SLC25A48: variants seen among roughly 807,000 people sequenced by gnomAD.
SLC25A48 encodes the protein solute carrier family 25 member 48.
SLC25A48 carries 29 observed loss-of-function variants against 32.2 expected under a neutral mutation model. The ratio of observed to expected loss-of-function variants is 0.90; its 90% confidence interval spans 0.67 to 1.23. The LOEUF is 1.23. Ranked by LOEUF, SLC25A48 falls within the 50% of genes most tolerant of loss-of-function variation. The pLI is 0.00. For synonymous variants in SLC25A48, 164 were observed against 172.3 expected (o/e 0.95, Z 0.38); for missense variants, 399 against 422.7 (o/e 0.94, Z 0.49).
intron 2 of SLC25A48, among the ~76,000 whole-genome samples, chr5:135,849,068 A>G (rs902708425): frequency 1.3e-5 from 2 of 152,262 alleles, no homozygotes; most frequent in African/African-American, 2.4e-5. Context: ...AAAAATAATG[A>G]AAGTAACATC....
chr5:135,819,313 C>T (rs937021465), intron 4 of SLC25A48, among the ~76,000 whole-genome samples: 8 of 152,094 alleles, frequency 5.3e-5, no homozygotes, highest in Non-Finnish European at 1.5e-5. Context: ...TATCTGTTAC[C>T]ACTTACAAAG....
intron 4 of SLC25A48, among the ~76,000 whole-genome samples, chr5:135,815,523 G>A (rs1430612651): frequency 6.6e-6 from 1 of 152,206 alleles, no homozygotes; most frequent in Admixed American, 6.5e-5. Flanking sequence ...AGGTAAGGAA[G>A]AGCATCAACC....
At chr5:135,729,627 A>T (rs1191931306) in intron 3 of SLC25A48, among the ~76,000 whole-genome samples, 1 of 152,200 alleles carries the variant, frequency 6.6e-6, no homozygotes, top group Non-Finnish European at 1.5e-5. Flanking sequence ...GTTTTAAATG[A>T]TCATTAATGA....
chr5:135,716,854 C>T (rs1754812209), intron 3 of SLC25A48, among the ~76,000 whole-genome samples: 1 of 152,198 alleles, frequency 6.6e-6, no homozygotes, highest in South Asian at 2.1e-4. Context: ...TCCATAGCAG[C>T]ATCTCTCAGC....
intron 3 of SLC25A48, among the ~76,000 whole-genome samples, chr5:135,637,407 A>C (rs1752730290): frequency 6.6e-6 from 1 of 152,186 alleles, no homozygotes; most frequent in Admixed American, 6.5e-5. Flanking sequence ...AGTTCGAGCA[A>C]GCATGAAGGA....
intron 3 of SLC25A48, among the ~76,000 whole-genome samples, chr5:135,790,863 G>T (rs1692904368): frequency 6.6e-6 from 1 of 151,664 alleles, no homozygotes; most frequent in Admixed American, 6.6e-5. Flanking sequence ...TACACTGTGT[G>T]ATATTATTCG....
chr5:135,868,327 T>C (rs1310648528), intron 4 of SLC25A48, among the ~76,000 whole-genome samples: 2 of 152,138 alleles, frequency 1.3e-5, no homozygotes, highest in Non-Finnish European at 2.9e-5. Flanking sequence ...AGGGGTTGTG[T>C]ACTCTTAAAA....
chr5:135,630,952 G>A (rs31265), intron 2 of SLC25A48, among the ~76,000 whole-genome samples: 22,455 of 151,980 alleles, frequency 0.15, 1,702 homozygotes, highest in South Asian at 0.17. Flanking sequence ...TAACAATAAC[G>A]CTCCTGGACC....
chr5:135,832,655 A>C (rs17738592), upstream of SLC25A48, among the ~76,000 whole-genome samples: 51,975 of 152,064 alleles, frequency 0.34, 10,800 homozygotes, highest in Non-Finnish European at 0.47. Flanking sequence ...TCAAACAGAG[A>C]CTTTCCCCAA....
intron 3 of SLC25A48, among the ~76,000 whole-genome samples, chr5:135,749,874 G>A (rs1480995083): frequency 6.6e-6 from 1 of 152,080 alleles, no homozygotes; most frequent in African/African-American, 2.4e-5. Flanking sequence ...TTACAGGTGT[G>A]AGCCACCTCG....
intron 3 of SLC25A48, among the ~76,000 whole-genome samples, chr5:135,743,837 C>T (rs1755568601): frequency 6.6e-6 from 1 of 152,174 alleles, no homozygotes; most frequent in African/African-American, 2.4e-5. Context: ...GCCCCTAAAC[C>T]TTTGAAGATG....
At chr5:135,877,886 C>T (rs867964829) in intron 6 of SLC25A48, among the ~76,000 whole-genome samples, 8 of 152,112 alleles carry the variant, frequency 5.3e-5, no homozygotes, top group Admixed American at 2.0e-4. Flanking sequence ...CAGAGGGGAC[C>T]AGAAGAGGCC....
At chr5:135,800,395 A>C (rs1032290519) in intron 3 of SLC25A48, among the ~76,000 whole-genome samples, 2 of 151,876 alleles carry the variant, frequency 1.3e-5, no homozygotes, top group African/African-American at 4.8e-5. Flanking sequence ...TATTGTTCCT[A>C]ATATCCAGAA....
At chr5:135,626,470 T>G (rs915162126) in intron 1 of SLC25A48, among the ~76,000 whole-genome samples, 1 of 152,228 alleles carries the variant, frequency 6.6e-6, no homozygotes. Flanking sequence ...GCCAAAGCCT[T>G]GGCTTATCCA....
chr5:135,853,663 T>C (rs184150579), intron 4 of SLC25A48, among the ~76,000 whole-genome samples: 42 of 152,290 alleles, frequency 2.8e-4, no homozygotes, highest in African/African-American at 9.9e-4. Context: ...CTACAGTTCC[T>C]TCCTCCATGG....
At chr5:135,860,352 C>T (rs1172351661) in intron 4 of SLC25A48, among the ~76,000 whole-genome samples, 1 of 152,198 alleles carries the variant, frequency 6.6e-6, no homozygotes, top group East Asian at 1.9e-4. Context: ...ATTTTATCTT[C>T]TGCCTCATTC....
At chr5:135,635,860 C>A (rs758867755) in intron 3 of SLC25A48, among the ~76,000 whole-genome samples, 10 of 152,184 alleles carry the variant, frequency 6.6e-5, no homozygotes, top group Admixed American at 6.5e-4. Context: ...ACAGCCCATT[C>A]CAGTCATCGT....
intron 3 of SLC25A48, among the ~76,000 whole-genome samples, chr5:135,785,204 C>G (rs1756805128): frequency 6.6e-6 from 1 of 152,102 alleles, no homozygotes; most frequent in South Asian, 2.1e-4. Flanking sequence ...AGTAAATACA[C>G]TGTGTGTTCA....
chr5:135,717,386 C>T (rs753143402), intron 3 of SLC25A48, among the ~76,000 whole-genome samples: 5 of 152,150 alleles, frequency 3.3e-5, no homozygotes, highest in African/African-American at 7.2e-5. Flanking sequence ...TACCAGGGCC[C>T]GTCCACCCCA....
Sources: gnomAD v4.1 joint callset for allele counts (sites outside exome capture counted in the v4.1 genomes callset) on GRCh38, gnomAD v4.1.1 for gene constraint, MANE v1.5 for transcripts, NCBI Gene and HGNC (gene_info 2026-07-23, HGNC 2026-07-21) for gene names.